The following ARHGAP5 variants were observed in gnomAD, a reference collection of about 807,000 sequenced individuals.
ARHGAP5 encodes the protein rho GTPase-activating protein 5.
ARHGAP5 carries 23 observed loss-of-function variants against 116.6 expected under a neutral mutation model. That is an observed-to-expected ratio of 0.20 (90% confidence interval 0.14 to 0.28). ARHGAP5 has a LOEUF of 0.28. ARHGAP5 is among the 10% of genes least tolerant of loss of function. The pLI is 1.00. For synonymous variants in ARHGAP5, 574 were observed against 602.0 expected (o/e 0.95, Z 0.68); for missense variants, 1,405 against 1,774.8 (o/e 0.79, Z 3.74).
chr14:32,146,234 A>G (rs1398550982), intron 3 of ARHGAP5, 29 bp from the exon 4 acceptor site: 3 of 1,515,844 alleles, frequency 2.0e-6, no homozygotes, highest in Non-Finnish European at 2.7e-6. Context: ...TGTGTTTATT[A>G]AAGTATGCAT....
At chr14:32,143,236 G>GTTA (rs765079635) in intron 3 of ARHGAP5, among the ~76,000 whole-genome samples, 165 of 143,630 alleles carry the variant, frequency 1.1e-3, no homozygotes, top group African/African-American at 4.6e-3. Context: ...TGTTGTTGTT[G>GTTA]TTGTTATTAT....
In ARHGAP5 at chr14:32,093,350, A is replaced by T. The variant is rs1326208617; in HGVS notation, c.2681A>T (p.Asn894Ile). 1.2e-6 allele frequency: 2 copies of T among 1,613,854 alleles called. No individual in the cohort carries two copies. Among genetic ancestry groups the T allele is most frequent in the Non-Finnish European group, 8.5e-7 (1 of 1,179,920 alleles). ...VTDSQADFFENEAIKELMTEG... is the reference protein window; with the variant it reads ...VTDSQADFFEIEAIKELMTEG... ...GACAGCCAAGCAGATTTTTTTGAAA[A>T]TGAGGCTATCAAAGAGTTAATGACT... is the stretch of plus-strand genomic sequence containing the variant. Residue 894 changes from asparagine (N) to isoleucine (I), a missense_variant, in exon 2 of 7, where the codon AAT becomes ATT. Physicochemically the swap from Asn to Ile is moderately radical, Grantham distance 149. Transcript: ENST00000345122.
chr14:32,105,155 G>A (rs1458823956), intron 2 of ARHGAP5, among the ~76,000 whole-genome samples: 1 of 152,128 alleles, frequency 6.6e-6, no homozygotes. Context: ...CTAGAAGTCA[G>A]TCATACAAGG....
chr14:32,152,429 C>A lies in ARHGAP5; in HGVS notation c.4082C>A (p.Pro1361Gln), dbSNP rs371504762. The change falls in exon 6 of 7, where the codon CCG becomes CAG. Residue 1361 changes from proline to glutamine, a missense_variant. Physicochemically the swap from Pro to Gln is moderately conservative, Grantham distance 76. Around this residue, in one of 6 missense-constraint regions of ARHGAP5, gnomAD observed 176 missense variants for 221.2 expected, o/e 0.80. Coordinates refer to ENST00000345122, the MANE Select transcript of ARHGAP5 (RefSeq NM_001030055.2). Reference protein sequence around the residue: ...HPELLEAAKIPDKTERLHALK... With the variant: ...HPELLEAAKIQDKTERLHALK... ...CACTGTTTTAATTTTACAGAAATCC[C>A]GGATAAAACAGAACGTCTTCATGCC... The A allele has an allele frequency of 1.3e-6, 2 of 1,589,910 alleles. No homozygotes were observed. Among genetic ancestry groups the A allele is most frequent in the South Asian group, 2.3e-5 (2 of 86,368 alleles).
In ARHGAP5 at chr14:32,100,234, T is replaced by C. The variant is rs1266581327; in HGVS notation, c.3717+5848T>C. ...ATTTATTTATGAGATGTAATCTTGC[T>C]GTGTTGCCCAGGCTGGAGTGCAGTG... On this transcript the variant is annotated intron_variant, in intron 2 of 6. Coordinates refer to ENST00000345122, the MANE Select transcript of ARHGAP5 (RefSeq NM_001030055.2). 2.0e-5 allele frequency among the ~76,000 whole-genome samples: 3 copies of C among 152,224 alleles called. No individual in the cohort carries two copies. In the East Asian group the frequency reaches 5.8e-4, roughly 29 times the overall value.
In ARHGAP5 at chr14:32,133,260, C is replaced by G. The variant is rs553245393; in HGVS notation, c.3866-13003C>G. Among the ~76,000 whole-genome samples, 471 of 152,124 alleles carry G rather than the reference C, an allele frequency of 3.1e-3. 1 individual carries two copies. The highest frequency in any genetic ancestry group is 0.011 in the African/African-American group (450 of 41,496). Reference sequence around the variant, plus strand: ...ATTTGTTTGTATCCTCTTTTATTTCCTTGAGCAGTGGTTTGTAGTTCTCCT... The same window carrying G: ...ATTTGTTTGTATCCTCTTTTATTTCGTTGAGCAGTGGTTTGTAGTTCTCCT... On this transcript the variant is annotated intron_variant, in intron 3 of 6. Transcript: ENST00000345122.
intron 1 of ARHGAP5, among the ~76,000 whole-genome samples, chr14:32,087,927 T>G (rs1459974774): frequency 6.6e-6 from 1 of 152,100 alleles, no homozygotes; most frequent in Non-Finnish European, 1.5e-5. Flanking sequence ...CTTTCCAGTT[T>G]TCAGTGACCA....
Position 32,093,152 on chromosome 14 carries a change from G to T in ARHGAP5, c.2483G>T (p.Arg828Leu), listed in dbSNP as rs142888518. The change falls in exon 2 of 7, where the codon CGA (arginine) becomes CTA (leucine). Residue 828 changes from arginine to leucine, a missense_variant. Arg to Leu is a moderately radical substitution (Grantham distance 102). This residue lies in a region of ARHGAP5 where 944 missense variants were observed against 1,095.3 expected (regional missense o/e 0.86). Coordinates refer to ENST00000345122, the MANE Select transcript of ARHGAP5 (RefSeq NM_001030055.2). Reference protein sequence around the residue: ...LDKIIGEKRRRIQITILSYHS... With the variant: ...LDKIIGEKRRLIQITILSYHS... ...AAAATCATTGGTGAAAAAAGGAGGC[G>T]AATACAGATCACAATATTATCATAC... The T allele has an allele frequency of 1.5e-5, 24 of 1,613,760 alleles. No individual in the cohort carries two copies. The highest frequency in any genetic ancestry group is 1.9e-5 in the Non-Finnish European group (23 of 1,179,916).
At chr14:32,144,853 A>C (rs12100688) in intron 3 of ARHGAP5, among the ~76,000 whole-genome samples, 2,207 of 152,310 alleles carry the variant, frequency 0.014, 59 homozygotes, top group African/African-American at 0.049. Context: ...TTCAAGTTTC[A>C]AGTGTGTTTG....
chr14:32,088,794 CAAAT>C (rs2041856068), intron 1 of ARHGAP5, among the ~76,000 whole-genome samples: 1 of 152,070 alleles, frequency 6.6e-6, no homozygotes, highest in South Asian at 2.1e-4. Flanking sequence ...TTCCAAGAAT[CAAAT>C]AAAGAACTGG....
intron 2 of ARHGAP5, among the ~76,000 whole-genome samples, chr14:32,115,101 C>A (rs559110093): frequency 6.6e-6 from 1 of 152,174 alleles, no homozygotes; most frequent in Admixed American, 6.5e-5. Flanking sequence ...TCTTTGTATA[C>A]TTCAGAAACT....
At chr14:32,141,609 G>A (rs140030610) in intron 3 of ARHGAP5, among the ~76,000 whole-genome samples, 1 of 152,064 alleles carries the variant, frequency 6.6e-6, no homozygotes, top group African/African-American at 2.4e-5. Context: ...TTTTTGTATG[G>A]CTTCAAGTTA....
At chr14:32,114,879 T>TACA (rs2139064234) in intron 2 of ARHGAP5, among the ~76,000 whole-genome samples, 1 of 152,368 alleles carries the variant, frequency 6.6e-6, no homozygotes, top group Non-Finnish European at 1.5e-5. Flanking sequence ...GCCCTGCCTG[T>TACA]GCGCCTTCCC....
intron 2 of ARHGAP5, among the ~76,000 whole-genome samples, chr14:32,115,663 CAAAAAAAAA>C (rs60051497): frequency 5.0e-5 from 2 of 39,956 alleles, no homozygotes; most frequent in African/African-American, 9.2e-5. Context: ...GACTCCGTCT[CAAAAAAAAA>C]AAAAAAAAAA....
intron 3 of ARHGAP5, among the ~76,000 whole-genome samples, chr14:32,118,677 A>G (rs1013235455): frequency 9.9e-5 from 15 of 152,266 alleles, no homozygotes; most frequent in African/African-American, 2.6e-4. Context: ...TTTCTTGTCT[A>G]TATTTCTGTC....
Position 32,150,044 on chromosome 14 carries a change from A to T in ARHGAP5, c.4075+11A>T, listed in dbSNP as rs770957380. ...TATTGGAAGCAGCAAGTAAGTATAA[A>T]CCTCCTTTTTATGAGAGGGATGATA... On this transcript the variant is annotated intron_variant, in intron 5 of 6. Coordinates refer to ENST00000345122, the MANE Select transcript of ARHGAP5 (RefSeq NM_001030055.2). The T allele has an allele frequency of 6.4e-7, 1 of 1,562,370 alleles. No homozygotes were observed. Among genetic ancestry groups the T allele is most frequent in the Non-Finnish European group, 8.6e-7 (1 of 1,159,580 alleles).
intron 6 of ARHGAP5, among the ~76,000 whole-genome samples, chr14:32,153,688 G>C (rs963210698): frequency 2.4e-4 from 36 of 151,858 alleles, no homozygotes; most frequent in African/African-American, 8.7e-4. Context: ...GGCCAAGATA[G>C]TCTTGATCTC....
intron 3 of ARHGAP5, among the ~76,000 whole-genome samples, chr14:32,120,538 G>A (rs923262325): frequency 6.7e-6 from 1 of 148,590 alleles, no homozygotes; most frequent in African/African-American, 2.5e-5. Context: ...TCTAAGCATT[G>A]TTTTAGCTGT....
intron 3 of ARHGAP5, among the ~76,000 whole-genome samples, chr14:32,136,644 A>G (rs1174755955): frequency 1.3e-5 from 2 of 152,202 alleles, no homozygotes; most frequent in Non-Finnish European, 1.5e-5. Flanking sequence ...TTGCTGGATC[A>G]TACGGTAATT....
Sources: gnomAD v4.1 joint callset for allele counts (sites outside exome capture counted in the v4.1 genomes callset) on GRCh38, gnomAD v4.1.1 for gene constraint, gnomAD v4.1.1 regional missense constraint, MANE v1.5 for transcripts, NCBI Gene and HGNC (gene_info 2026-07-23, HGNC 2026-07-21) for gene names.